FRMD3: variants seen among roughly 807,000 people sequenced by gnomAD.
FRMD3 encodes FERM domain containing 3.
A neutral mutation model predicts 70.2 loss-of-function variants in FRMD3; 33 were observed. The observed-to-expected ratio is 0.47, with a 90% CI of 0.36 to 0.63. The LOEUF (loss-of-function observed/expected upper bound fraction) is 0.63, where lower values mean the gene tolerates loss of function less well. Among genes scored for constraint, FRMD3 ranks in the 20% least tolerant of loss-of-function variants. FRMD3 has a pLI of 0.00. For missense variants in FRMD3, 632 were observed against 711.4 expected (o/e 0.89, Z 1.27); for synonymous variants, 279 against 255.9 (o/e 1.09, Z -0.86).
chr9:83,452,086 G>A (rs1203892025), intron 1 of FRMD3, among the ~76,000 whole-genome samples: 1 of 152,194 alleles, frequency 6.6e-6, no homozygotes, highest in Non-Finnish European at 1.5e-5. Context: ...TGGGCTCTTA[G>A]AACTTTCCAG....
At chr9:83,300,029 T>C (rs1460838692) in intron 10 of FRMD3, among the ~76,000 whole-genome samples, 1 of 152,204 alleles carries the variant, frequency 6.6e-6, no homozygotes, top group Non-Finnish European at 1.5e-5. Flanking sequence ...TTCAGCATCG[T>C]TTAAAATATT....
intron 1 of FRMD3, among the ~76,000 whole-genome samples, chr9:83,401,516 G>A (rs1421691705): frequency 6.6e-6 from 1 of 152,202 alleles, no homozygotes; most frequent in Non-Finnish European, 1.5e-5. Flanking sequence ...AGTCAGGATA[G>A]GCTAGATTAA....
chr9:83,442,167 A>G (rs770443310), intron 1 of FRMD3, among the ~76,000 whole-genome samples: 8 of 151,792 alleles, frequency 5.3e-5, no homozygotes, highest in Non-Finnish European at 1.0e-4. Flanking sequence ...CACTGGTGAG[A>G]GTCTACTAGT....
At chr9:83,561,536 A>G in the FRMD3 span, among the ~76,000 whole-genome samples, 2 of 152,246 alleles carry the variant, frequency 1.3e-5, no homozygotes, top group Non-Finnish European at 2.9e-5. Flanking sequence ...TAGCCCTGAA[A>G]TCTGCAAATC....
At chr9:83,259,143 G>A (rs556569862) in intron 13 of FRMD3, among the ~76,000 whole-genome samples, 3 of 152,166 alleles carry the variant, frequency 2.0e-5, no homozygotes, top group Non-Finnish European at 4.4e-5. Context: ...AAATGTGTAG[G>A]AGAATTTCAC....
At position 83,371,439 on chromosome 9, in the gene FRMD3, C is replaced by G. The variant is rs144171575; in HGVS notation, c.295+1474G>C. On this transcript the variant is annotated intron_variant, in intron 3 of 13. Coordinates refer to ENST00000304195, the MANE Select transcript of FRMD3 (RefSeq NM_174938.6). Reference sequence around the variant, plus strand: ...TCAAGCGATTCTCCTGCCTCAGCCTCCTGAGTAGCTGGGACTACAGGCAAC... The same window carrying G: ...TCAAGCGATTCTCCTGCCTCAGCCTGCTGAGTAGCTGGGACTACAGGCAAC... 7.1e-3 allele frequency among the ~76,000 whole-genome samples: 1,088 copies of G among 152,214 alleles called. 15 individuals carry two copies. The highest frequency in any genetic ancestry group is 0.024 in the African/African-American group (985 of 41,530).
At chr9:83,338,642 A>G (rs1039380644) in intron 5 of FRMD3, among the ~76,000 whole-genome samples, 2 of 152,214 alleles carry the variant, frequency 1.3e-5, no homozygotes, top group African/African-American at 4.8e-5. Context: ...GTTCTATAGC[A>G]TCATTTAATT....
intron 3 of FRMD3, among the ~76,000 whole-genome samples, chr9:83,362,235 C>CA (rs565853448): frequency 2.6e-5 from 4 of 151,102 alleles, no homozygotes; most frequent in Admixed American, 6.6e-5. Context: ...TTCCTATTGA[C>CA]AAAAAATCAT....
At chr9:83,264,444 C>T (rs756294185) in intron 13 of FRMD3, among the ~76,000 whole-genome samples, 3 of 152,138 alleles carry the variant, frequency 2.0e-5, no homozygotes, top group Non-Finnish European at 4.4e-5. Context: ...TGAACCCTAA[C>T]GCAAACGATC....
chr9:83,392,073 A>G (rs1017545877), intron 1 of FRMD3, among the ~76,000 whole-genome samples: 2 of 151,774 alleles, frequency 1.3e-5, no homozygotes, highest in African/African-American at 4.8e-5. Context: ...AGGGACCACC[A>G]CAAAGAAAAA....
chr9:83,378,518 CATATAAAATTTATATATAT>C (rs1825228908), intron 2 of FRMD3, among the ~76,000 whole-genome samples: 1 of 73,760 alleles, frequency 1.4e-5, no homozygotes, highest in East Asian at 3.7e-4. Context: ...ATATAATATA[CATATAAAATTTATATATAT>C]AATATACATA....
At chr9:83,399,215 T>G (rs562008627) in intron 1 of FRMD3, among the ~76,000 whole-genome samples, 65 of 152,286 alleles carry the variant, frequency 4.3e-4, no homozygotes, top group Non-Finnish European at 6.0e-4. Context: ...TCTGAAGGAG[T>G]GTCACAGTTG....
At chr9:83,403,190 C>T (rs1826002457) in intron 1 of FRMD3, among the ~76,000 whole-genome samples, 1 of 152,074 alleles carries the variant, frequency 6.6e-6, no homozygotes. Flanking sequence ...AGGCGTGAGC[C>T]ACCACGCTCA....
chr9:83,388,064 C>A (rs917239293), intron 2 of FRMD3, among the ~76,000 whole-genome samples: 6 of 152,154 alleles, frequency 3.9e-5, no homozygotes, highest in Non-Finnish European at 8.8e-5. Flanking sequence ...ATGCCTGGAC[C>A]ATCCAAAGGT....
At chr9:83,476,508 G>C (rs1828402708) in intron 1 of FRMD3, among the ~76,000 whole-genome samples, 1 of 152,164 alleles carries the variant, frequency 6.6e-6, no homozygotes, top group African/African-American at 2.4e-5. Flanking sequence ...TCCCAGAATA[G>C]TTTGGGTTTT....
intron 1 of FRMD3, among the ~76,000 whole-genome samples, chr9:83,413,218 G>T (rs961996268): frequency 6.6e-6 from 1 of 152,146 alleles, no homozygotes; most frequent in African/African-American, 2.4e-5. Context: ...CTTTTGAGAT[G>T]GCCAAGTGGT....
At chr9:83,357,244 TACATA>T (rs1824403185) in intron 3 of FRMD3, among the ~76,000 whole-genome samples, 1 of 2,588 alleles carries the variant, frequency 3.9e-4, no homozygotes, top group African/African-American at 1.4e-3. Context: ...ATATAATACA[TACATA>T]TATATATATA....
chr9:83,438,224 A>T (rs1827192608), intron 1 of FRMD3, among the ~76,000 whole-genome samples: 2 of 152,238 alleles, frequency 1.3e-5, no homozygotes, highest in Admixed American at 1.3e-4. Context: ...AAGTGAATAT[A>T]ACATTACTCC....
chr9:83,422,003 T>C (rs1826657457), intron 1 of FRMD3, among the ~76,000 whole-genome samples: 1 of 152,158 alleles, frequency 6.6e-6, no homozygotes, highest in African/African-American at 2.4e-5. Context: ...GGCAAGTGGA[T>C]CACCGGAGGT....
Sources: gnomAD v4.1 joint callset for allele counts (sites outside exome capture counted in the v4.1 genomes callset) on GRCh38, gnomAD v4.1.1 for gene constraint, MANE v1.5 for transcripts, NCBI Gene and HGNC (gene_info 2026-07-23, HGNC 2026-07-21) for gene names.